ARFGEF1: variants seen among roughly 807,000 people sequenced by gnomAD.
ARFGEF1 encodes the protein ARF guanine nucleotide exchange factor 1, also known as brefeldin A-inhibited guanine nucleotide-exchange protein 1.
Under a neutral mutation model 231.0 loss-of-function variants are expected in ARFGEF1, and 42 were observed. That is an observed-to-expected ratio of 0.18 (90% CI 0.14 to 0.24). ARFGEF1 has a LOEUF of 0.24. Ranked by LOEUF, ARFGEF1 falls within the 10% of genes least tolerant of loss-of-function variation. The pLI, the probability that ARFGEF1 is intolerant of heterozygous loss-of-function variation, is 1.00. For synonymous variants in ARFGEF1, 710 were observed against 732.3 expected, an observed-to-expected ratio of 0.97 and a Z score of 0.49; for missense variants, 1,345 against 2,192.0, an observed-to-expected ratio of 0.61 and a Z score of 7.72.
intron 1 of ARFGEF1, among the ~76,000 whole-genome samples, chr8:67,336,999 G>A (rs1173378905): frequency 6.6e-6 from 1 of 152,052 alleles, no homozygotes; most frequent in Admixed American, 6.5e-5. Flanking sequence ...GGGCGCGGTA[G>A]CGCTACACGA....
intron 35 of ARFGEF1, 24 bp downstream of exon 35, chr8:67,204,656 G>A (rs77171248): frequency 3.8e-6 from 6 of 1,594,176 alleles, no homozygotes; most frequent in Non-Finnish European, 5.1e-6. Context: ...CACAAAAAAA[G>A]CAGCTGTCCT....
Position 67,253,492 on chromosome 8 carries a change from T to C in ARFGEF1, c.2657A>G (p.Glu886Gly). ...TGTAGGGATTGTTAGTTCTTTTGTT[T>C]CTTTCATTGATATCTTTTTCCCAGC... The part of the protein sequence containing the change: ...EIAGKKISMK[E>G]TKELTIPTKS... The change falls in exon 18 of 39, where the codon GAA becomes GGA. Residue 886 changes from glutamate to glycine, a missense_variant. By Grantham distance (98) the Glu-to-Gly change is moderately conservative. Transcript: ENST00000262215. The C allele has an allele frequency of 6.3e-7, 1 of 1,581,538 alleles. No homozygotes were observed. Among genetic ancestry groups the C allele is most frequent in the Non-Finnish European group, 8.7e-7 (1 of 1,152,566 alleles).
Position 67,222,233 on chromosome 8 carries a change from ATG to A in ARFGEF1, c.4208+2668_4208+2669del, listed in dbSNP as rs1447941814. ...CACACATATATATATATGTATATGT[ATG>A]TATGTATGTATGTATGTATGTATGT... On this transcript the variant is annotated intron_variant, in intron 29 of 38. Coordinates refer to ENST00000262215, the MANE Select transcript of ARFGEF1 (RefSeq NM_006421.5). Among the ~76,000 whole-genome samples, 518 of 122,932 alleles carry A rather than the reference ATG, an allele frequency of 4.2e-3. 5 individuals carry two copies. Among genetic ancestry groups the A allele is most frequent in the South Asian group, 0.018 (69 of 3,898 alleles). 80.6% of individuals were successfully genotyped at this position (122,932 alleles called of 152,430 possible).
chr8:67,324,130 G>A (rs1303087499), intron 1 of ARFGEF1, among the ~76,000 whole-genome samples: 2 of 152,162 alleles, frequency 1.3e-5, no homozygotes, highest in East Asian at 3.9e-4. Context: ...GCCAATCAGA[G>A]TAGAATGATT....
chr8:67,189,808 T>C (rs1835714713), intron 5 of ARFGEF1, among the ~76,000 whole-genome samples: 1 of 152,252 alleles, frequency 6.6e-6, no homozygotes, highest in Non-Finnish European at 1.5e-5. Flanking sequence ...ATGGTGATTC[T>C]AAGTATTTGT....
intron 13 of ARFGEF1, 80 bp downstream of exon 13, chr8:67,266,796 T>C (rs771698593): frequency 9.3e-7 from 1 of 1,071,338 alleles, no homozygotes; most frequent in Non-Finnish European, 1.3e-6. Context: ...ATGAAATTGG[T>C]TTAACAGCAG....
At chr8:67,258,450 G>A (rs992821694) in intron 15 of ARFGEF1, among the ~76,000 whole-genome samples, 160 bp from the exon 16 acceptor site, 1 of 151,520 alleles carries the variant, frequency 6.6e-6, no homozygotes, top group Non-Finnish European at 1.5e-5. Flanking sequence ...TCGGCCTCCC[G>A]AGTAGCTGGG....
chr8:67,294,310 G>C (rs937408289), intron 5 of ARFGEF1, among the ~76,000 whole-genome samples: 1 of 152,012 alleles, frequency 6.6e-6, no homozygotes. Flanking sequence ...AAACTAACCA[G>C]GATGTGACGA....
intron 7 of ARFGEF1, among the ~76,000 whole-genome samples, chr8:67,287,739 A>G (rs1805819137): frequency 6.6e-6 from 1 of 152,244 alleles, no homozygotes; most frequent in African/African-American, 2.4e-5. Flanking sequence ...CTTAAAGCAT[A>G]GTTCTGGTCA....
At chr8:67,219,930 T>C (rs1209864916) in intron 29 of ARFGEF1, among the ~76,000 whole-genome samples, 2 of 152,170 alleles carry the variant, frequency 1.3e-5, no homozygotes, top group Non-Finnish European at 2.9e-5. Flanking sequence ...TATACAGCAG[T>C]CTAAGAACAA....
rs772250855 is a variant in ARFGEF1, at chr8:67,343,222, G to A, written c.66C>T (p.Asp22=). The part of the protein sequence containing the change: ...LTRALEKILA[D]KEVKKAHHSQ... ...AGTGATGCGCCTTCTTCACTTCCTT[G>A]TCGGCCAATATCTTCTCCAGAGCCC... Residue 22 remains aspartate (D), a synonymous_variant, in exon 1 of 39, where the codon GAC becomes GAT. Transcript: ENST00000262215. 1.2e-5 allele frequency: 19 copies of A among 1,613,258 alleles called. 1 individual carries two copies. Among genetic ancestry groups the A allele is most frequent in the Non-Finnish European group, 1.2e-5 (14 of 1,179,762 alleles).
At chr8:67,207,731 C>T (rs1838572512) in intron 34 of ARFGEF1, among the ~76,000 whole-genome samples, 1 of 152,196 alleles carries the variant, frequency 6.6e-6, no homozygotes, top group South Asian at 2.1e-4. Flanking sequence ...AGCGGCCTCC[C>T]CATCAAACAG....
At chr8:67,328,067 TAAA>T (rs112297777) in intron 1 of ARFGEF1, among the ~76,000 whole-genome samples, 3,498 of 152,128 alleles carry the variant, frequency 0.023, 87 homozygotes, top group South Asian at 0.047. Context: ...ATGAGGGAGA[TAAA>T]GAAGGGAACA....
At chr8:67,177,914 T>C (rs904921337) in intron 5 of ARFGEF1, among the ~76,000 whole-genome samples, 3 of 152,212 alleles carry the variant, frequency 2.0e-5, no homozygotes, top group East Asian at 1.9e-4. Flanking sequence ...TTGTAATGGC[T>C]AAGAACAAGA....
chr8:67,192,562 CTCTT>C lies in ARFGEF1; in HGVS notation c.560+7830_560+7833del, dbSNP rs1419725983. On this transcript the variant is annotated intron_variant, in intron 5 of 5. Transcript: ENST00000518789. ...AATTTTGATGAGGTCCAACTCATCA[CTCTT>C]TCTTGGGCTTTTGGTGTCTTAATTA... Among the ~76,000 whole-genome samples the C allele has an allele frequency of 2.6e-5, 4 of 152,260 alleles. No homozygotes were observed. In the East Asian group the frequency reaches 5.8e-4, roughly 22 times the overall value.
intron 34 of ARFGEF1, among the ~76,000 whole-genome samples, chr8:67,208,432 C>T (rs757888925): frequency 1.3e-5 from 2 of 152,030 alleles, no homozygotes; most frequent in Admixed American, 6.6e-5. Flanking sequence ...GAGTTTGAGA[C>T]GAGCCTGGCC....
chr8:67,311,048 C>A (rs1269478443), intron 1 of ARFGEF1, among the ~76,000 whole-genome samples: 2 of 147,218 alleles, frequency 1.4e-5, no homozygotes, highest in Non-Finnish European at 3.0e-5. Flanking sequence ...CTCTGCCCGG[C>A]CACCCCTACT....
downstream of ARFGEF1, chr8:67,174,471 T>A (rs545846332): frequency 6.6e-6 from 1 of 152,258 alleles, no homozygotes; most frequent in East Asian, 1.9e-4. Context: ...ATTAAAAAAT[T>A]TTTATTCTTG....
At chr8:67,237,564 G>C (rs932791876) in intron 22 of ARFGEF1, among the ~76,000 whole-genome samples, 2 of 152,188 alleles carry the variant, frequency 1.3e-5, no homozygotes, top group Non-Finnish European at 2.9e-5. Flanking sequence ...GGTTGGAGGT[G>C]GGGGGTTGGG....
Sources: allele counts gnomAD v4.1 joint callset (sites outside exome capture counted in the v4.1 genomes callset), GRCh38; gene constraint gnomAD v4.1.1; transcripts MANE v1.5; gene names NCBI Gene and HGNC (gene_info 2026-07-23, HGNC 2026-07-21).